The following LINGO2 variants were observed in gnomAD, a reference collection of about 807,000 sequenced individuals.
LINGO2 encodes leucine rich repeat and Ig domain containing 2, also known as leucine-rich repeat and immunoglobulin-like domain-containing nogo receptor-interacting protein 2.
Under a neutral mutation model 30.6 loss-of-function variants are expected in LINGO2, and 14 were observed. The ratio of observed to expected loss-of-function variants is 0.46; its 90% CI spans 0.30 to 0.72. The LOEUF is 0.72. Ranked by LOEUF, LINGO2 falls within the 30% of genes least tolerant of loss-of-function variation. LINGO2 has a pLI of 0.07. For missense variants in LINGO2, 729 were observed against 751.7 expected (o/e 0.97, Z 0.35); for synonymous variants, 317 against 288.5 (o/e 1.10, Z -1.00).
chr9:27,950,886 ATC>A lies in LINGO2; in HGVS notation c.-35-182_-35-181del, dbSNP rs112268137. ...AACAGGTTCTTGGTCAAGTTATTTA[ATC>A]TCTCTGCATTTTAGTTTTCCTGGCT... is the stretch of plus-strand genomic sequence containing the variant. On this transcript the variant is annotated intron_variant, in intron 5 of 5. Coordinates refer to ENST00000379992, the Ensembl canonical transcript of LINGO2. 2.6e-3 allele frequency among the ~76,000 whole-genome samples: 394 copies of A among 152,254 alleles called. 2 individuals are homozygous for A. The highest frequency in any genetic ancestry group is 9.2e-3 in the African/African-American group (381 of 41,550).
At chr9:28,973,187 A>G in the LINGO2 span, among the ~76,000 whole-genome samples, 5 of 152,218 alleles carry the variant, frequency 3.3e-5, no homozygotes, top group African/African-American at 1.2e-4. Flanking sequence ...CGAAGGTTAT[A>G]GAACACCAAG....
chr9:29,200,269 C>A, the LINGO2 span, among the ~76,000 whole-genome samples: 7 of 151,874 alleles, frequency 4.6e-5, no homozygotes, highest in African/African-American at 1.7e-4. Context: ...TGGGCAGAGA[C>A]GAAAAACGTA....
chr9:28,146,562 C>T (rs966883957), intron 4 of LINGO2, among the ~76,000 whole-genome samples: 1 of 149,300 alleles, frequency 6.7e-6, no homozygotes, highest in Non-Finnish European at 1.5e-5. Context: ...TGGTAAAAAT[C>T]TTTTTTTTTT....
chr9:29,164,501 A>G, the LINGO2 span, among the ~76,000 whole-genome samples: 3 of 151,720 alleles, frequency 2.0e-5, no homozygotes, highest in African/African-American at 7.3e-5. Context: ...ATACGATGTT[A>G]TCAATTAATG....
chr9:28,773,093 C>T, the LINGO2 span, among the ~76,000 whole-genome samples: 1 of 152,082 alleles, frequency 6.6e-6, no homozygotes, highest in Non-Finnish European at 1.5e-5. Flanking sequence ...CGGCCGGGCG[C>T]GGTGGCTCAC....
At chr9:28,794,638 G>A in the LINGO2 span, among the ~76,000 whole-genome samples, 3 of 151,818 alleles carry the variant, frequency 2.0e-5, no homozygotes, top group Non-Finnish European at 2.9e-5. Flanking sequence ...TGTGTTCTAC[G>A]TGTTTTCTTT....
chr9:28,012,047 G>T (rs962824977), intron 5 of LINGO2, among the ~76,000 whole-genome samples: 1 of 152,126 alleles, frequency 6.6e-6, no homozygotes, highest in African/African-American at 2.4e-5. Flanking sequence ...ATGTTCTTCT[G>T]CCAGCTTTGT....
chr9:28,617,151 T>G (rs1826165236), intron 1 of LINGO2, among the ~76,000 whole-genome samples: 1 of 152,116 alleles, frequency 6.6e-6, no homozygotes, highest in Non-Finnish European at 1.5e-5. Context: ...TAATAACATA[T>G]TAAAACCATC....
chr9:28,001,127 G>T (rs1449585290), intron 5 of LINGO2, among the ~76,000 whole-genome samples: 1 of 152,106 alleles, frequency 6.6e-6, no homozygotes, highest in Admixed American at 6.5e-5. Context: ...TAGTACAGAA[G>T]TTTCCAAACA....
intron 3 of LINGO2, among the ~76,000 whole-genome samples, chr9:28,314,155 C>T (rs1244907051): frequency 1.3e-5 from 2 of 152,120 alleles, no homozygotes; most frequent in Non-Finnish European, 2.9e-5. Context: ...AGGATGGTCT[C>T]GATCTCCTGA....
chr9:28,272,189 C>A (rs974292115), intron 4 of LINGO2, among the ~76,000 whole-genome samples: 12 of 152,060 alleles, frequency 7.9e-5, no homozygotes, highest in African/African-American at 1.7e-4. Flanking sequence ...GCCTACTGAC[C>A]CCATGCTGTC....
chr9:28,918,516 C>A, the LINGO2 span, among the ~76,000 whole-genome samples: 1 of 152,172 alleles, frequency 6.6e-6, no homozygotes, highest in Non-Finnish European at 1.5e-5. Context: ...GCATAAAATT[C>A]CATTCTTGGA....
intron 4 of LINGO2, among the ~76,000 whole-genome samples, chr9:28,021,679 T>A (rs1823131434): frequency 6.6e-6 from 1 of 152,132 alleles, no homozygotes; most frequent in Non-Finnish European, 1.5e-5. Context: ...TGTGGTTAGG[T>A]ACACATACAT....
intron 4 of LINGO2, among the ~76,000 whole-genome samples, chr9:28,270,461 C>T (rs1473913623): frequency 1.3e-5 from 2 of 152,010 alleles, no homozygotes; most frequent in African/African-American, 4.8e-5. Context: ...CTTCCCACCT[C>T]CCTAAAGTAT....
At chr9:29,042,842 A>G in the LINGO2 span, among the ~76,000 whole-genome samples, 1 of 151,904 alleles carries the variant, frequency 6.6e-6, no homozygotes, top group Admixed American at 6.6e-5. Context: ...GTTACATAAC[A>G]TATGTTTTTA....
At chr9:28,089,862 TA>T (rs1225260805) in intron 4 of LINGO2, among the ~76,000 whole-genome samples, 1 of 151,918 alleles carries the variant, frequency 6.6e-6, no homozygotes, top group Non-Finnish European at 1.5e-5. Flanking sequence ...ATAGATGCAA[TA>T]AAAAATGATA....
intron 4 of LINGO2, among the ~76,000 whole-genome samples, chr9:28,024,109 AC>A (rs1255042568): frequency 6.6e-6 from 1 of 152,174 alleles, no homozygotes; most frequent in Non-Finnish European, 1.5e-5. Context: ...AACAGGAGTG[AC>A]CACTTCCAAG....
intron 5 of LINGO2, among the ~76,000 whole-genome samples, chr9:27,966,696 C>A (rs1820118310): frequency 6.6e-6 from 1 of 151,984 alleles, no homozygotes; most frequent in African/African-American, 2.4e-5. Context: ...ATGTAACAAA[C>A]CTGCATGTTC....
the LINGO2 span, among the ~76,000 whole-genome samples, chr9:28,929,455 C>T: frequency 6.6e-6 from 1 of 152,162 alleles, no homozygotes. Context: ...AGGAGGGTTC[C>T]ATATCCTCAG....
Sources: gnomAD v4.1 joint callset for allele counts (sites outside exome capture counted in the v4.1 genomes callset) on GRCh38, gnomAD v4.1.1 for gene constraint, MANE v1.5 for transcripts, NCBI Gene and HGNC (gene_info 2026-07-23, HGNC 2026-07-21) for gene names.